The following CLVS1 variants were observed in gnomAD, a reference collection of about 807,000 sequenced individuals.
The protein encoded by CLVS1 is clavesin-1.
CLVS1 carries 10 observed loss-of-function variants against 33.1 expected under a neutral mutation model. That is an observed-to-expected ratio of 0.30 (90% confidence interval 0.19 to 0.51). The LOEUF (loss-of-function observed/expected upper bound fraction) is 0.51, where lower values mean the gene tolerates loss of function less well. Ranked by LOEUF, CLVS1 falls within the 20% of genes least tolerant of loss-of-function variation. The probability of loss-of-function intolerance (pLI) is 0.97; values close to 1 mark genes in which losing one functional copy is unlikely to be tolerated. For synonymous variants in CLVS1, 163 were observed against 166.1 expected, an observed-to-expected ratio of 0.98 and a Z score of 0.14; for missense variants, 343 against 433.4, an observed-to-expected ratio of 0.79 and a Z score of 1.85.
chr8:61,417,358 C>T (rs964867756), intron 3 of CLVS1, among the ~76,000 whole-genome samples: 1 of 152,142 alleles, frequency 6.6e-6, no homozygotes, highest in Non-Finnish European at 1.5e-5. Context: ...ATTTTTTTCT[C>T]CCAGACGTTT....
At chr8:61,303,296 A>T (rs977598739) in intron 2 of CLVS1, among the ~76,000 whole-genome samples, 1 of 152,214 alleles carries the variant, frequency 6.6e-6, no homozygotes, top group Non-Finnish European at 1.5e-5. Flanking sequence ...TCTCTTAGTA[A>T]ATAATCCAAA....
At chr8:61,486,725 C>T (rs952200113) in intron 5 of CLVS1, among the ~76,000 whole-genome samples, 1 of 152,168 alleles carries the variant, frequency 6.6e-6, no homozygotes, top group African/African-American at 2.4e-5. Context: ...GCTGGAGACT[C>T]CTCTTGGTGG....
chr8:61,445,330 G>A (rs1816713851), intron 3 of CLVS1, among the ~76,000 whole-genome samples: 1 of 152,160 alleles, frequency 6.6e-6, no homozygotes, highest in South Asian at 2.1e-4. Flanking sequence ...CCAAATTGAT[G>A]GAGGCAGAGC....
intron 2 of CLVS1, among the ~76,000 whole-genome samples, chr8:61,177,459 C>T (rs1807138672): frequency 6.6e-6 from 1 of 152,194 alleles, no homozygotes; most frequent in African/African-American, 2.4e-5. Context: ...CAGTGCGGCA[C>T]ACCCTCTCCA....
chr8:61,381,476 T>C (rs1261666359), intron 3 of CLVS1, among the ~76,000 whole-genome samples: 1 of 152,280 alleles, frequency 6.6e-6, no homozygotes, highest in South Asian at 2.1e-4. Flanking sequence ...ACATGTGCAG[T>C]TCTGTTACGT....
chr8:61,261,649 A>G (rs1809205365), intron 2 of CLVS1, among the ~76,000 whole-genome samples: 1 of 152,184 alleles, frequency 6.6e-6, no homozygotes, highest in Non-Finnish European at 1.5e-5. Flanking sequence ...GTGATCTTAT[A>G]AAAGAGACCC....
chr8:61,051,933 C>T, the CLVS1 span, among the ~76,000 whole-genome samples: 14 of 152,246 alleles, frequency 9.2e-5, no homozygotes, highest in African/African-American at 3.4e-4. Flanking sequence ...TTGCCCAGGC[C>T]TCCTGTCCAC....
chr8:61,397,049 T>C (rs1177217146), intron 3 of CLVS1, among the ~76,000 whole-genome samples: 1 of 152,160 alleles, frequency 6.6e-6, no homozygotes, highest in African/African-American at 2.4e-5. Flanking sequence ...TGGTTATATA[T>C]CTAGGAATAA....
At chr8:60,967,516 C>G in the CLVS1 span, 1 of 383,506 alleles carries the variant, frequency 2.6e-6, no homozygotes, top group Admixed American at 3.1e-5. Flanking sequence ...GTAGCCAGAC[C>G]CCAGCAGAAG....
chr8:61,137,261 C>A (rs1026971643), intron 2 of CLVS1, among the ~76,000 whole-genome samples: 2 of 152,130 alleles, frequency 1.3e-5, no homozygotes, highest in Admixed American at 6.5e-5. Context: ...AGGTGAGTAC[C>A]TGCTGGTGCC....
intron 2 of CLVS1, among the ~76,000 whole-genome samples, chr8:61,364,421 C>A (rs1008458777): frequency 5.9e-5 from 9 of 152,138 alleles, no homozygotes. Flanking sequence ...TACCAGCCTG[C>A]AAAACAGCCA....
chr8:61,366,934 T>C (rs1367472622), intron 2 of CLVS1, among the ~76,000 whole-genome samples: 1 of 152,200 alleles, frequency 6.6e-6, no homozygotes, highest in Admixed American at 6.5e-5. Flanking sequence ...GATACTGTGC[T>C]GGGTGCTGAT....
intron 3 of CLVS1, among the ~76,000 whole-genome samples, chr8:61,390,123 A>G (rs1814244852): frequency 6.6e-6 from 1 of 152,202 alleles, no homozygotes; most frequent in African/African-American, 2.4e-5. Flanking sequence ...CACTGTAAAA[A>G]GATTTTTTCC....
intron 2 of CLVS1, among the ~76,000 whole-genome samples, chr8:61,332,703 C>T (rs1030370728): frequency 1.4e-4 from 21 of 152,020 alleles, no homozygotes; most frequent in Non-Finnish European, 2.2e-4. Context: ...TGCAGTGGTG[C>T]GATCTTGGCT....
intron 5 of CLVS1, among the ~76,000 whole-genome samples, chr8:61,460,169 A>G (rs1817322845): frequency 6.6e-6 from 1 of 152,230 alleles, no homozygotes; most frequent in South Asian, 2.1e-4. Context: ...TTTCCACGTC[A>G]GTATATTTAG....
chr8:61,478,315 T>C lies in CLVS1; in HGVS notation c.977+19773T>C, dbSNP rs1273596955. On this transcript the variant is annotated intron_variant, in intron 5 of 5. Transcript: ENST00000325897. ...TCTGTTGATTTGGGGTGGAGAGTTCTGTAGATGTCTATTAGGTCCACTTGG... is the reference window on the plus strand; with the variant it reads ...TCTGTTGATTTGGGGTGGAGAGTTCCGTAGATGTCTATTAGGTCCACTTGG... Among the ~76,000 whole-genome samples, 3 of 152,354 alleles carry C rather than the reference T, an allele frequency of 2.0e-5. No individual in the cohort carries two copies. The East Asian group carries it at 5.8e-4, about 29-fold the overall frequency.
chr8:61,131,872 T>C (rs376331647), intron 2 of CLVS1: 1 of 152,320 alleles, frequency 6.6e-6, no homozygotes, highest in African/African-American at 2.4e-5. Flanking sequence ...TGAGTAAATA[T>C]GACCTGGTGT....
In CLVS1 at chr8:61,212,826, A is replaced by C. The variant is rs1051081806; in HGVS notation, c.-152+80966A>C. 3.9e-5 allele frequency among the ~76,000 whole-genome samples: 6 copies of C among 152,178 alleles called. 1 individual carries two copies. Among genetic ancestry groups the C allele is most frequent in the African/African-American group, 1.4e-4 (6 of 41,448 alleles). Reference sequence around the variant, plus strand: ...TGGAGATGAAGCAGGTGGGGCAGGAAGTAAACCTCAGGGGAACAGCAGGTG... The same window carrying C: ...TGGAGATGAAGCAGGTGGGGCAGGACGTAAACCTCAGGGGAACAGCAGGTG... On this transcript the variant is annotated intron_variant, in intron 2 of 2. Coordinates refer to the CLVS1 transcript ENST00000522621.
chr8:61,051,301 G>C, the CLVS1 span, among the ~76,000 whole-genome samples: 3 of 152,250 alleles, frequency 2.0e-5, no homozygotes, highest in African/African-American at 7.2e-5. Context: ...CTGGGCCTCA[G>C]GTTTCTGACA....
Sources: allele counts gnomAD v4.1 joint callset (sites outside exome capture counted in the v4.1 genomes callset), GRCh38; gene constraint gnomAD v4.1.1; transcripts MANE v1.5; gene names NCBI Gene and HGNC (gene_info 2026-07-23, HGNC 2026-07-21).